HAPLN1: variants seen among roughly 807,000 people sequenced by gnomAD.
The protein encoded by HAPLN1 is Cartilage link protein.
A neutral mutation model predicts 36.5 loss-of-function variants in HAPLN1; 13 were observed. That is an observed-to-expected ratio of 0.36 (90% CI 0.23 to 0.57). The LOEUF is 0.57. HAPLN1 is among the 20% of genes least tolerant of loss of function. HAPLN1 has a pLI of 0.83. For synonymous variants in HAPLN1, 202 were observed against 169.8 expected (o/e 1.19, Z -1.48); for missense variants, 407 against 439.7 (o/e 0.93, Z 0.66).
chr5:83,695,540 C>T (rs772477784), intron 1 of HAPLN1, among the ~76,000 whole-genome samples: 19 of 148,908 alleles, frequency 1.3e-4, no homozygotes, highest in Non-Finnish European at 2.7e-4. Context: ...TTTAGTGTAT[C>T]TATTTTCCTG....
At chr5:83,709,068 G>A (rs1010019755) in intron 1 of HAPLN1, among the ~76,000 whole-genome samples, 1 of 152,006 alleles carries the variant, frequency 6.6e-6, no homozygotes, top group Non-Finnish European at 1.5e-5. Context: ...TAGCAAAGAC[G>A]GGTTTTCACC....
At chr5:83,701,281 G>A (rs1319460612) in intron 1 of HAPLN1, among the ~76,000 whole-genome samples, 2 of 152,222 alleles carry the variant, frequency 1.3e-5, no homozygotes, top group African/African-American at 4.8e-5. Flanking sequence ...ATTTCGTGTA[G>A]CTTCACAAGG....
rs189300402 is a variant in HAPLN1, at chr5:83,652,665, T to A, written c.260A>T (p.Asp87Val). 6.2e-7 allele frequency: 1 copy of A among 1,614,144 alleles called. No individual in the cohort carries two copies. Among genetic ancestry groups the A allele is most frequent in the East Asian group, 2.2e-5 (1 of 44,870 alleles). Residue 87 changes from aspartate to valine, a missense_variant, in exon 3 of 5, where the codon GAT becomes GTT. Coordinates refer to ENST00000274341, the MANE Select transcript of HAPLN1 (RefSeq NM_001884.4). Reference sequence around the variant, plus strand: ...AAAAACATCCACTTCCTTGAGGTAATCCGAAGTTAGCTTGGTCCACTTAAT... The same window carrying A: ...AAAAACATCCACTTCCTTGAGGTAAACCGAAGTTAGCTTGGTCCACTTAAT... ...IRIKWTKLTS[D>V]YLKEVDVFVS...
At chr5:83,666,428 T>C (rs141633981) in intron 2 of HAPLN1, among the ~76,000 whole-genome samples, 1 of 152,164 alleles carries the variant, frequency 6.6e-6, no homozygotes, top group Non-Finnish European at 1.5e-5. Context: ...ACACATACTA[T>C]GCTGATTTCA....
intron 1 of HAPLN1, among the ~76,000 whole-genome samples, chr5:83,692,857 T>A (rs1404307571): frequency 6.6e-6 from 1 of 151,814 alleles, no homozygotes; most frequent in African/African-American, 2.4e-5. Flanking sequence ...AAAGACCATG[T>A]CTAAGGGTAA....
chr5:83,695,948 T>C (rs1310728072), intron 1 of HAPLN1, among the ~76,000 whole-genome samples: 3 of 151,830 alleles, frequency 2.0e-5, no homozygotes, highest in African/African-American at 7.3e-5. Flanking sequence ...GAAAAAGAAA[T>C]AGAAGTCAAA....
chr5:83,649,844 T>C (rs1750002947), intron 3 of HAPLN1, among the ~76,000 whole-genome samples: 1 of 152,254 alleles, frequency 6.6e-6, no homozygotes, highest in Non-Finnish European at 1.5e-5. Context: ...AACATTCTTT[T>C]ACTTGTAAAC....
chr5:83,641,846 A>C, intron 4 of HAPLN1, 61 bp from the exon 5 acceptor site: 2 of 1,512,450 alleles, frequency 1.3e-6, no homozygotes. Context: ...ACAGAGATAG[A>C]AAGAGCCAAA....
In HAPLN1 at chr5:83,638,941, T is replaced by C. The variant is rs989696437; in HGVS notation, c.*2555A>G. Reference sequence around the variant, plus strand: ...CTTATATGGTCACCAGTGTTAATTATGGACAAATACATTAAAACAAGGGTT... The same window carrying C: ...CTTATATGGTCACCAGTGTTAATTACGGACAAATACATTAAAACAAGGGTT... On this transcript the variant is annotated 3_prime_UTR_variant, in exon 5 of 5. Coordinates refer to ENST00000274341, the MANE Select transcript of HAPLN1 (RefSeq NM_001884.4). The C allele has an allele frequency of 3.9e-5, 6 of 152,042 alleles. No individual in the cohort carries two copies. The highest frequency in any genetic ancestry group is 1.3e-4 in the Admixed American group (2 of 15,272). 9.4% of individuals were successfully genotyped at this position (152,042 alleles called of 1,614,324 possible). A position where few individuals can be genotyped will look rare whatever the true frequency, so the allele number is the denominator to read the frequency against.
At chr5:83,697,754 A>G (rs185139475) in intron 1 of HAPLN1, among the ~76,000 whole-genome samples, 208 of 152,226 alleles carry the variant, frequency 1.4e-3, no homozygotes, top group African/African-American at 4.8e-3. Context: ...GTGATATCTC[A>G]TTAGGGGTAT....
intron 1 of HAPLN1, 71 bp from the exon 2 acceptor site, chr5:83,673,620 A>G (rs1480992033): frequency 6.1e-6 from 5 of 816,360 alleles, no homozygotes; most frequent in Non-Finnish European, 1.0e-5. Flanking sequence ...TGCACAACTT[A>G]TTACCGCCTT....
intron 4 of HAPLN1, among the ~76,000 whole-genome samples, chr5:83,642,327 A>G (rs749002407): frequency 1.3e-5 from 2 of 152,262 alleles, no homozygotes; most frequent in African/African-American, 2.4e-5. Flanking sequence ...CGTAAAATAC[A>G]GGAAGTCACT....
chr5:83,717,057 A>G (rs1004334655), intron 1 of HAPLN1, among the ~76,000 whole-genome samples: 20 of 152,020 alleles, frequency 1.3e-4, no homozygotes, highest in Admixed American at 1.3e-3. Flanking sequence ...AAAACTAGAA[A>G]AGTTATGATT....
intron 1 of HAPLN1, among the ~76,000 whole-genome samples, chr5:83,714,905 T>C (rs149996142): frequency 6.6e-6 from 1 of 152,170 alleles, no homozygotes; most frequent in Non-Finnish European, 1.5e-5. Context: ...TAAAACAGGA[T>C]GGATGTTGGA....
chr5:83,720,409 A>G (rs746954093), intron 1 of HAPLN1, among the ~76,000 whole-genome samples: 1 of 152,136 alleles, frequency 6.6e-6, no homozygotes. Flanking sequence ...CCCATTCCTC[A>G]CCTTTCCCTT....
intron 3 of HAPLN1, among the ~76,000 whole-genome samples, chr5:83,645,465 C>CTTT: frequency 3.5e-5 from 1 of 28,846 alleles, no homozygotes; most frequent in African/African-American, 1.8e-4. Context: ...TTTCTTTTTT[C>CTTT]TTTTTCTTTC....
Position 83,673,446 on chromosome 5 carries a change from A to G in HAPLN1, c.78T>C (p.His26=), listed in dbSNP as rs1750779046. 1 of 1,609,404 alleles carries G rather than the reference A, an allele frequency of 6.2e-7. No individual in the cohort carries two copies. Among genetic ancestry groups the G allele is most frequent in the Non-Finnish European group, 8.5e-7 (1 of 1,177,506 alleles). The change falls in exon 2 of 5, where the codon CAT becomes CAC. Residue 26 remains histidine, a synonymous_variant. Coordinates refer to ENST00000274341, the MANE Select transcript of HAPLN1 (RefSeq NM_001884.4). ...TACCTTGGATGTGAATAGCTCTGTC[A>G]TGATCCAGAGTATAGTTGTCTGAAA... is the stretch of plus-strand genomic sequence containing the variant. The part of the protein sequence containing the change: ...DHLSDNYTLD[H]DRAIHIQAEN...
chr5:83,697,334 G>A (rs975313279), intron 1 of HAPLN1, among the ~76,000 whole-genome samples: 5 of 152,158 alleles, frequency 3.3e-5, no homozygotes, highest in African/African-American at 9.6e-5. Flanking sequence ...TTAGCGTAAT[G>A]TTTTCAATGT....
chr5:83,656,773 C>T (rs1365991020), intron 2 of HAPLN1, among the ~76,000 whole-genome samples: 1 of 152,130 alleles, frequency 6.6e-6, no homozygotes, highest in Non-Finnish European at 1.5e-5. Flanking sequence ...ACTCACTGAA[C>T]CGCTGGGGCC....
Sources: allele counts gnomAD v4.1 joint callset (sites outside exome capture counted in the v4.1 genomes callset), GRCh38; gene constraint gnomAD v4.1.1; transcripts MANE v1.5; gene names NCBI Gene and HGNC (gene_info 2026-07-23, HGNC 2026-07-21).